Variants in CREB1 observed in about 807,000 individuals in gnomAD.
The protein encoded by CREB1 is cyclic AMP-responsive element-binding protein 1.
CREB1 carries 2 observed loss-of-function variants against 42.0 expected under a neutral mutation model. That is an observed-to-expected ratio of 0.05 (90% CI 0.02 to 0.15). The LOEUF is 0.15. Among genes scored for constraint, CREB1 ranks in the 10% least tolerant of loss-of-function variants. CREB1 has a pLI of 1.00. For synonymous variants in CREB1, 123 were observed against 139.9 expected, an observed-to-expected ratio of 0.88 and a Z score of 0.85; for missense variants, 199 against 388.9, an observed-to-expected ratio of 0.51 and a Z score of 4.11.
At chr2:207,587,274 T>C (rs1369514513) in intron 7 of CREB1, among the ~76,000 whole-genome samples, 1 of 151,622 alleles carries the variant, frequency 6.6e-6, no homozygotes, top group Non-Finnish European at 1.5e-5. Flanking sequence ...GTGCCTGTAG[T>C]CCCAGCTACT....
chr2:207,549,830 A>C (rs181180745), intron 1 of CREB1, among the ~76,000 whole-genome samples: 31 of 152,178 alleles, frequency 2.0e-4, no homozygotes, highest in African/African-American at 6.7e-4. Context: ...AAAATACAAA[A>C]AAATTGGCAC....
At position 207,567,521 on chromosome 2, in the gene CREB1, C is replaced by G. The variant is rs745325596; in HGVS notation, c.320C>G (p.Ser107Cys). ...SQESVDSVTD[S>C]QKRREILSRR... ...GAGTCAGTGGATAGTGTAACTGATTCCCAAAAGCGAAGGGAAATTCTTTCA... is the reference window on the plus strand; with the variant it reads ...GAGTCAGTGGATAGTGTAACTGATTGCCAAAAGCGAAGGGAAATTCTTTCA... The change falls in exon 4 of 8, where the codon TCC becomes TGC. Residue 107 changes from serine to cysteine, a missense_variant. Physicochemically the swap from Ser to Cys is moderately radical, Grantham distance 112 (BLOSUM62 -1). Around this residue, in one of 4 missense-constraint regions of CREB1, gnomAD observed 66 missense variants for 150.8 expected, o/e 0.44. Coordinates refer to ENST00000353267, the MANE Select transcript of CREB1 (RefSeq NM_004379.5). 5 of 1,612,262 alleles carry G rather than the reference C, an allele frequency of 3.1e-6. No individual in the cohort carries two copies. Among genetic ancestry groups the G allele is most frequent in the Non-Finnish European group, 4.2e-6 (5 of 1,178,794 alleles).
chr2:207,561,172 G>A (rs1277468322), intron 3 of CREB1: 1 of 1,607,020 alleles, frequency 6.2e-7, no homozygotes, highest in East Asian at 2.2e-5. Context: ...TGAGTCCTAG[G>A]TCCTAGATTT....
At chr2:207,583,297 T>C (rs577024770) in intron 7 of CREB1, among the ~76,000 whole-genome samples, 2 of 152,306 alleles carry the variant, frequency 1.3e-5, no homozygotes, top group Admixed American at 6.5e-5. Context: ...TAAATAGGAA[T>C]ACACACTAAC....
At chr2:207,538,580 A>G (rs2080967972) in intron 1 of CREB1, among the ~76,000 whole-genome samples, 1 of 152,178 alleles carries the variant, frequency 6.6e-6, no homozygotes, top group Admixed American at 6.5e-5. Context: ...ATAATCTTAA[A>G]AGGGGCGAGG....
At chr2:207,543,055 G>A (rs935240470) in intron 1 of CREB1, among the ~76,000 whole-genome samples, 1 of 152,074 alleles carries the variant, frequency 6.6e-6, no homozygotes, top group Non-Finnish European at 1.5e-5. Context: ...TATATAAAGT[G>A]GTATAGTATT....
At chr2:207,591,366 C>A (rs2084990784) in intron 7 of CREB1, among the ~76,000 whole-genome samples, 1 of 152,152 alleles carries the variant, frequency 6.6e-6, no homozygotes, top group African/African-American at 2.4e-5. Context: ...TTATCCCTGA[C>A]AATATTCCTT....
At chr2:207,584,697 C>T (rs891331994) in intron 7 of CREB1, among the ~76,000 whole-genome samples, 8 of 152,164 alleles carry the variant, frequency 5.3e-5, no homozygotes, top group African/African-American at 1.7e-4. Flanking sequence ...CTACTGTGCC[C>T]AGCCTTCATT....
intron 7 of CREB1, among the ~76,000 whole-genome samples, chr2:207,594,137 A>G (rs1369756868): frequency 6.6e-6 from 1 of 152,196 alleles, no homozygotes; most frequent in Admixed American, 6.5e-5. Context: ...AAAAGAATTT[A>G]CTGGTTTAGA....
At chr2:207,573,822 T>C (rs1276470289) in intron 5 of CREB1, among the ~76,000 whole-genome samples, 1 of 152,224 alleles carries the variant, frequency 6.6e-6, no homozygotes, top group Non-Finnish European at 1.5e-5. Flanking sequence ...ATTTCTTTCT[T>C]CTTCCCACCT....
intron 5 of CREB1, chr2:207,571,781 T>TA (rs1208532714): frequency 4.4e-6 from 2 of 452,526 alleles, no homozygotes; most frequent in African/African-American, 2.0e-5. Context: ...GATTCACTGT[T>TA]ACAGAGATTC....
At chr2:207,546,598 G>A (rs768146288) in intron 1 of CREB1, among the ~76,000 whole-genome samples, 6 of 152,040 alleles carry the variant, frequency 3.9e-5, no homozygotes, top group Non-Finnish European at 8.8e-5. Context: ...GTGGTGGCGG[G>A]TGCCTGTAAT....
Position 207,561,307 on chromosome 2 carries a change from A to G in CREB1, c.261+935A>G, listed in dbSNP as rs569813327. The G allele has an allele frequency of 6.0e-5, 39 of 646,380 alleles. No individual in the cohort carries two copies. In the South Asian group the frequency reaches 6.7e-4, roughly 11 times the overall value. The allele number at this position is 646,380 out of a possible 1,614,324, so 40.0% of individuals were successfully genotyped here. ...CAGAGATCTTCTGGGTCTAGGCCAT[A>G]CTTGTTACCTCCCCAGCCCTTAGTC... On this transcript the variant is annotated intron_variant, in intron 3 of 7. Transcript: ENST00000353267.
rs1403672231 is a variant in CREB1 at position 207,600,955 on chromosome 2, GAT to G, written c.*3898_*3899del. 1 of 193,324 alleles carries G rather than the reference GAT, an allele frequency of 5.2e-6. No homozygotes were observed. The highest frequency in any genetic ancestry group is 8.1e-5 in the East Asian group (1 of 12,350). 12.0% of individuals were successfully genotyped at this position (193,324 alleles called of 1,614,324 possible). On this transcript the variant is annotated 3_prime_UTR_variant, in exon 8 of 8. Coordinates refer to ENST00000353267, the MANE Select transcript of CREB1 (RefSeq NM_004379.5). ...ATATTTAACAAATTTTTAATTCTATGATCAGCCACAGTCAGCTATTACCATAA... is the reference window on the plus strand; with the variant it reads ...ATATTTAACAAATTTTTAATTCTATGCAGCCACAGTCAGCTATTACCATAA...
At chr2:207,564,834 A>C (rs1360904096) in intron 3 of CREB1, among the ~76,000 whole-genome samples, 1 of 152,230 alleles carries the variant, frequency 6.6e-6, no homozygotes, top group African/African-American at 2.4e-5. Flanking sequence ...CCAAAATTAA[A>C]GACCTATTTA....
chr2:207,589,422 A>G (rs1440522346), intron 7 of CREB1, among the ~76,000 whole-genome samples: 1 of 152,058 alleles, frequency 6.6e-6, no homozygotes, highest in Non-Finnish European at 1.5e-5. Flanking sequence ...AACTGGGCCC[A>G]CTCAAGTAAC....
At chr2:207,579,617 C>T (rs148072919) in intron 7 of CREB1, among the ~76,000 whole-genome samples, 70 of 152,284 alleles carry the variant, frequency 4.6e-4, no homozygotes, top group African/African-American at 1.4e-3. Context: ...GGAAACTACC[C>T]GACTTACCAT....
intron 6 of CREB1, among the ~76,000 whole-genome samples, chr2:207,575,936 C>CT (rs1482721023): frequency 5.1e-5 from 1 of 19,658 alleles, no homozygotes; most frequent in African/African-American, 1.6e-4. Context: ...TCTCTGCTTC[C>CT]CCCCCCCCCC....
chr2:207,572,076 A>T (rs900475742), intron 5 of CREB1, among the ~76,000 whole-genome samples: 4 of 152,072 alleles, frequency 2.6e-5, no homozygotes, highest in African/African-American at 9.7e-5. Flanking sequence ...AAATACAAAA[A>T]TTAGCCGGGC....
Sources: allele counts gnomAD v4.1 joint callset (sites outside exome capture counted in the v4.1 genomes callset), GRCh38; gene constraint gnomAD v4.1.1; regional missense constraint gnomAD v4.1.1; transcripts MANE v1.5; gene names NCBI Gene and HGNC (gene_info 2026-07-23, HGNC 2026-07-21).